The following LTBR variants were observed in gnomAD, a reference collection of about 807,000 sequenced individuals.
LTBR encodes lymphotoxin beta receptor, also known as tumor necrosis factor receptor superfamily member 3.
A neutral mutation model predicts 45.4 loss-of-function variants in LTBR; 15 were observed. That is an observed-to-expected ratio of 0.33 (90% CI 0.22 to 0.51). The LOEUF (loss-of-function observed/expected upper bound fraction) is 0.51, where lower values mean the gene tolerates loss of function less well. Ranked by LOEUF, LTBR falls within the 20% of genes least tolerant of loss-of-function variation. The pLI, the probability that LTBR is intolerant of heterozygous loss-of-function variation, is 0.97. For missense variants in LTBR, 450 were observed against 565.5 expected (o/e 0.80, Z 2.07); for synonymous variants, 228 against 231.0 (o/e 0.99, Z 0.12).
Position 6,386,699 on chromosome 12 carries a change from A to G in LTBR, c.667+255A>G, listed in dbSNP as rs1279702968. ...ACACATCCCACACTGAGATGTAATG[A>G]TAACTACTATTGTCATCATTTTGGG... On this transcript the variant is annotated intron_variant, in intron 6 of 9. Coordinates refer to ENST00000228918, the MANE Select transcript of LTBR (RefSeq NM_002342.3). The surrounding 1 kb of genome is among the most constrained non-coding windows in gnomAD (Gnocchi z 4.1). The G allele has an allele frequency of 2.2e-5, 10 of 457,596 alleles. No individual in the cohort carries two copies. The Admixed American group carries it at 3.4e-4, about 16-fold the overall frequency. The allele number at this position is 457,596 out of a possible 1,614,324, so 28.3% of individuals were successfully genotyped here. A position where few individuals can be genotyped will look rare whatever the true frequency, so the allele number is the denominator to read the frequency against.
intron 9 of LTBR, 91 bp from the exon 10 acceptor site, chr12:6,390,569 G>C: frequency 7.5e-7 from 1 of 1,336,302 alleles, no homozygotes; most frequent in Non-Finnish European, 1.0e-6. Flanking sequence ...GGCGGGGCCA[G>C]GGGAAAGGCG....
upstream of LTBR, among the ~76,000 whole-genome samples, chr12:6,383,273 C>T: frequency 6.6e-6 from 1 of 150,396 alleles, no homozygotes; most frequent in Non-Finnish European, 1.5e-5. Context: ...AGTAACTCCA[C>T]GGGTGGGTGG....
Position 6,391,246 on chromosome 12 carries a change from G to A in LTBR, c.*309G>A, listed in dbSNP as rs894383407. The A allele has an allele frequency of 2.2e-5, 6 of 269,420 alleles. No individual in the cohort carries two copies. Among genetic ancestry groups the A allele is most frequent in the South Asian group, 3.1e-4 (2 of 6,418 alleles). The allele number at this position is 269,420 out of a possible 1,614,324, so 16.7% of individuals were successfully genotyped here. The stretch of plus-strand genomic sequence containing the variant: ...GCTGCCCACTACGGCACGCCGCACC[G>A]GAGCACGGCACCGAGGGAGCCGCCA... On this transcript the variant is annotated 3_prime_UTR_variant, in exon 10 of 10. Coordinates refer to ENST00000228918, the MANE Select transcript of LTBR (RefSeq NM_002342.3).
chr12:6,377,501 G>T, intron 1 of LTBR: 1 of 679,194 alleles, frequency 1.5e-6, no homozygotes, highest in Non-Finnish European at 2.5e-6. Flanking sequence ...GGATGTGAAA[G>T]CCGGGAAGGC....
At chr12:6,381,190 G>A (rs1948981398), upstream of LTBR, among the ~76,000 whole-genome samples, 1 of 152,286 alleles carries the variant, frequency 6.6e-6, no homozygotes, top group East Asian at 1.9e-4. Context: ...GCGGGAAGCA[G>A]CTACCATCTC....
rs1565494580 is a variant in LTBR, at chr12:6,386,473, G to GGC, written c.667+30_667+31insCG. 3 of 1,568,802 alleles carry GGC rather than the reference G, an allele frequency of 1.9e-6. No homozygotes were observed. The highest frequency in any genetic ancestry group is 1.7e-5 in the Admixed American group (1 of 59,384). Reference sequence around the variant, plus strand: ...AGGGACCAGGGCTGAGGGACACGGGGGGGGCGCCTCTGAAAATGCCTTAAT... The same window carrying GGC: ...AGGGACCAGGGCTGAGGGACACGGGGGCGGGGCGCCTCTGAAAATGCCTTAAT... On this transcript the variant is annotated intron_variant, in intron 6 of 9. Transcript: ENST00000228918. This position sits in a 1 kb window ranked among gnomAD's most constrained non-coding sequence, Gnocchi z 4.1.
rs779692385 is a variant in LTBR at position 6,385,156 on chromosome 12, G to C, written c.319+9G>C. ...CCGCCCCTGTGACCCAGGTGAGTGG[G>C]GATGTGCCTGCGGGGGGGCTGGATC... On this transcript the variant is annotated intron_variant, in intron 3 of 9. Transcript: ENST00000228918. The C allele has an allele frequency of 6.2e-7, 1 of 1,614,224 alleles. No individual in the cohort carries two copies.
Position 6,386,311 on chromosome 12 carries a change from G to A in LTBR, c.570-36G>A. On this transcript the variant is annotated intron_variant, in intron 5 of 9. Transcript: ENST00000228918. The surrounding 1 kb of genome is among the most constrained non-coding windows in gnomAD (Gnocchi z 4.1). Reference sequence around the variant, plus strand: ...TGGAGTCGGGACACTGGTGGGCCAGGGCGTGAAAAGGTCATCATCTTTTTT... The same window carrying A: ...TGGAGTCGGGACACTGGTGGGCCAGAGCGTGAAAAGGTCATCATCTTTTTT... The A allele has an allele frequency of 6.3e-7, 1 of 1,580,770 alleles. No individual in the cohort carries two copies. The highest frequency in any genetic ancestry group is 8.7e-7 in the Non-Finnish European group (1 of 1,150,896).
chr12:6,381,967 G>T (rs1948989165), upstream of LTBR, among the ~76,000 whole-genome samples: 1 of 152,190 alleles, frequency 6.6e-6, no homozygotes, highest in African/African-American at 2.4e-5. Flanking sequence ...GCGAGACTCT[G>T]TATGGAAAGG....
rs545108113 is a variant in LTBR at position 6,375,519 on chromosome 12, G to A, written c.-37G>A. 1,460 of 1,535,356 alleles carry A rather than the reference G, an allele frequency of 9.5e-4. 22 individuals carry two copies. In the South Asian group the frequency reaches 0.016, roughly 17 times the overall value. ...CTCCCCCTCACCTGACAGGTGCAGCGGCCTGGCTGGGGAGCCCGCCCGCTG... is the reference window on the plus strand; with the variant it reads ...CTCCCCCTCACCTGACAGGTGCAGCAGCCTGGCTGGGGAGCCCGCCCGCTG... On this transcript the variant is annotated 5_prime_UTR_variant, in exon 1 of 10. Coordinates refer to the LTBR transcript ENST00000539925.
rs568877375 is a variant in LTBR at position 6,385,512 on chromosome 12, A to G, written c.472+133A>G. On this transcript the variant is annotated intron_variant, in intron 4 of 9. Transcript: ENST00000228918. ...GGCTTAAAATTCCTCTTCTCATTCC[A>G]TGCAGAGGCTCACAGAAGGGTTCTG... 8.4e-6 allele frequency: 9 copies of G among 1,069,952 alleles called. No homozygotes were observed. In the East Asian group the frequency reaches 2.3e-4, roughly 28 times the overall value. The allele number at this position is 1,069,952 out of a possible 1,614,324, so 66.3% of individuals were successfully genotyped here.
At chr12:6,381,104 AAC>A (rs1054007487), upstream of LTBR, among the ~76,000 whole-genome samples, 7 of 152,184 alleles carry the variant, frequency 4.6e-5, no homozygotes, top group Non-Finnish European at 7.3e-5. Context: ...GAAGAAGTTT[AAC>A]ACAGAGAACT....
chr12:6,377,679 C>A (rs1948933582), intron 1 of LTBR: 1 of 1,299,344 alleles, frequency 7.7e-7, no homozygotes, highest in Non-Finnish European at 1.0e-6. Context: ...TGGGCATGGT[C>A]CTCCCTGCAA....
upstream of LTBR, chr12:6,375,328 C>G: frequency 2.1e-6 from 3 of 1,441,242 alleles, no homozygotes; most frequent in East Asian, 5.0e-5. Flanking sequence ...ACTCTAGGCC[C>G]TCAGCTCCAG....
rs1949069688 is a variant in LTBR at position 6,388,123 on chromosome 12, A to G, written c.668-275A>G. 2.3e-6 allele frequency: 1 copy of G among 441,626 alleles called. No individual in the cohort carries two copies. Among genetic ancestry groups the G allele is most frequent in the Non-Finnish European group, 4.2e-6 (1 of 235,622 alleles). The allele number at this position is 441,626 out of a possible 1,614,324, so 27.4% of individuals were successfully genotyped here. On this transcript the variant is annotated intron_variant, in intron 6 of 9. Transcript: ENST00000228918. The surrounding 1 kb of genome is among the most constrained non-coding windows in gnomAD (Gnocchi z 4.3). ...GCCTGCCCAATCCTGGTCTCTGAGC[A>G]GGAGGGCACCCACACCACCCCCAAA... is the stretch of plus-strand genomic sequence containing the variant.
chr12:6,390,348 TG>T lies in LTBR; in HGVS notation c.1030+12del. ...AGAGCCAGGTGGCCCACGGTGAGCCTGGGGCAGGGAGAAGAGAGGAAGGATG... is the reference window on the plus strand; with the variant it reads ...AGAGCCAGGTGGCCCACGGTGAGCCTGGGCAGGGAGAAGAGAGGAAGGATG... On this transcript the variant is annotated intron_variant, in intron 9 of 9. Coordinates refer to ENST00000228918, the MANE Select transcript of LTBR (RefSeq NM_002342.3). 6.3e-7 allele frequency: 1 copy of T among 1,579,886 alleles called. No homozygotes were observed. The highest frequency in any genetic ancestry group is 8.6e-7 in the Non-Finnish European group (1 of 1,159,698).
chr12:6,388,619 C>A lies in LTBR; in HGVS notation c.775+114C>A. The A allele has an allele frequency of 9.1e-7, 1 of 1,098,142 alleles. No individual in the cohort carries two copies. Among genetic ancestry groups the A allele is most frequent in the South Asian group, 1.3e-5 (1 of 76,042 alleles). 68.0% of individuals were successfully genotyped at this position (1,098,142 alleles called of 1,614,324 possible). On this transcript the variant is annotated intron_variant, in intron 7 of 9. Transcript: ENST00000228918. This position sits in a 1 kb window ranked among gnomAD's most constrained non-coding sequence, Gnocchi z 4.3. Reference sequence around the variant, plus strand: ...CAAGACTCCCAATGCCTACCCCCAACATAGACATCCTTATCTTCATCCAGC... The same window carrying A: ...CAAGACTCCCAATGCCTACCCCCAAAATAGACATCCTTATCTTCATCCAGC...
In LTBR at chr12:6,390,927, C is replaced by A; in HGVS notation, c.1298C>A (p.Thr433Asn). Residue 433 changes from threonine to asparagine, a missense_variant, in exon 10 of 10, where the codon ACC (threonine) becomes AAC (asparagine). Around this residue, in one of 3 missense-constraint regions of LTBR, gnomAD observed 71 missense variants for 90.4 expected, o/e 0.79. Coordinates refer to ENST00000228918, the MANE Select transcript of LTBR (RefSeq NM_002342.3). Reference protein sequence around the residue: ...SNRGPRNQFITHD With the variant: ...SNRGPRNQFINHD ...AGGGGCCCAAGGAACCAATTTATCA[C>A]CCATGACTGACTGAGTCTGAGAAAA... 1 of 1,563,512 alleles carries A rather than the reference C, an allele frequency of 6.4e-7. No homozygotes were observed. The highest frequency in any genetic ancestry group is 8.7e-7 in the Non-Finnish European group (1 of 1,154,332).
chr12:6,389,874 G>T, intron 8 of LTBR: 1 of 472,022 alleles, frequency 2.1e-6, no homozygotes, highest in Admixed American at 3.3e-5. Flanking sequence ...AGGATCACTT[G>T]AGTCCAAGAG....
Sources: allele counts gnomAD v4.1 joint callset (sites outside exome capture counted in the v4.1 genomes callset), GRCh38; gene constraint gnomAD v4.1.1; regional missense constraint gnomAD v4.1.1; non-coding constraint Gnocchi (gnomAD v3.1); transcripts MANE v1.5; gene names NCBI Gene and HGNC (gene_info 2026-07-23, HGNC 2026-07-21).